The following SLC12A5 variants were observed in gnomAD, a reference collection of about 807,000 sequenced individuals.
The protein encoded by SLC12A5 is K-Cl cotransporter 2.
In SLC12A5, 18 loss-of-function variants were observed where a neutral mutation model predicts 124.0. The observed-to-expected ratio is 0.15, with a 90% CI of 0.10 to 0.22. The LOEUF is 0.22. Ranked by LOEUF, SLC12A5 falls within the 10% of genes least tolerant of loss-of-function variation. The pLI is 1.00. For missense variants in SLC12A5, 867 were observed against 1,478.7 expected (o/e 0.59, Z 6.78); for synonymous variants, 589 against 568.0 (o/e 1.04, Z -0.53).
At position 46,053,395 on chromosome 20, in the gene SLC12A5, G is replaced by A. The variant is rs1427611300; in HGVS notation, c.2548-183G>A. Among the ~76,000 whole-genome samples, 1 of 152,206 alleles carries A rather than the reference G, an allele frequency of 6.6e-6. No individual in the cohort carries two copies. Among genetic ancestry groups the A allele is most frequent in the Non-Finnish European group, 1.5e-5 (1 of 68,040 alleles). ...GCCAGTGATGCTTTCTTTAATGGGG[G>A]ACCCTCAGACCTAAGCAGGGAAGGT... On this transcript the variant is annotated intron_variant, in intron 19 of 25. Transcript: ENST00000243964. The surrounding 1 kb of genome is among the most constrained non-coding windows in gnomAD (Gnocchi z 4.7).
upstream of SLC12A5, among the ~76,000 whole-genome samples, chr20:46,026,303 T>G (rs948593127): frequency 6.6e-6 from 1 of 152,126 alleles, no homozygotes; most frequent in Non-Finnish European, 1.5e-5. Context: ...CCCTGCATCT[T>G]GTGCTGCTTT....
At chr20:46,034,444 C>T (rs1028392320) in intron 1 of SLC12A5, among the ~76,000 whole-genome samples, 3 of 152,222 alleles carry the variant, frequency 2.0e-5, no homozygotes, top group African/African-American at 7.2e-5. Context: ...GTGTCTTACC[C>T]TGCTTCCCCC....
rs2145465526 is a variant in SLC12A5 at position 46,022,970 on chromosome 20, AGG to A, written c.90_91del (p.Gly31ArgfsTer99). 3 of 370,822 alleles carry A rather than the reference AGG, an allele frequency of 8.1e-6. No homozygotes were observed. The highest frequency in any genetic ancestry group is 5.1e-5 in the Admixed American group (1 of 19,720). 23.0% of individuals were successfully genotyped at this position (370,822 alleles called of 1,614,324 possible). A position where few individuals can be genotyped will look rare whatever the true frequency, so the allele number is the denominator to read the frequency against. ...GAGGAGGAGGAGGAGGAGGAGGAGG[AGG>A]AGGAAGAGGAGGAGGAGGAAGAGGA... On this transcript the variant is annotated frameshift_variant, in exon 2 of 3. Transcript: ENST00000413737. LOFTEE classifies it high-confidence loss of function.
In SLC12A5 at chr20:46,057,362, T is replaced by C; in HGVS notation, c.3259+59T>C. The stretch of plus-strand genomic sequence containing the variant: ...GGTGGACGTCAGGGAATCTGGGTCC[T>C]GTCCCTGGGATGGAAGAGCTGAGCT... On this transcript the variant is annotated intron_variant, in intron 25 of 25. Transcript: ENST00000243964. The surrounding 1 kb of genome is among the most constrained non-coding windows in gnomAD (Gnocchi z 7.1). 1.2e-6 allele frequency: 2 copies of C among 1,611,394 alleles called. No homozygotes were observed. The highest frequency in any genetic ancestry group is 8.5e-7 in the Non-Finnish European group (1 of 1,177,538).
chr20:46,032,099 G>T (rs1600588425), intron 1 of SLC12A5, among the ~76,000 whole-genome samples: 1 of 152,350 alleles, frequency 6.6e-6, no homozygotes, highest in East Asian at 1.9e-4. Flanking sequence ...CTCATCTCCT[G>T]GCCCGGATCC....
rs1487399141 is a variant in SLC12A5 at position 46,045,030 on chromosome 20, A to G, written c.1459A>G (p.Ile487Val). 6.2e-7 allele frequency: 1 copy of G among 1,614,050 alleles called. No homozygotes were observed. Among genetic ancestry groups the G allele is most frequent in the Admixed American group, 1.7e-5 (1 of 60,018 alleles). The change falls in exon 12 of 26, where the codon ATT (isoleucine) becomes GTT (valine). Residue 487 changes from isoleucine to valine, a missense_variant. Physicochemically the swap from Ile to Val is conservative, Grantham distance 29. This residue lies in a region of SLC12A5 where 152 missense variants were observed against 358.7 expected (regional missense o/e 0.42). Coordinates refer to ENST00000243964, the MANE Select transcript of SLC12A5 (RefSeq NM_020708.5). This position sits in a 1 kb window ranked among gnomAD's most constrained non-coding sequence, Gnocchi z 4.9. ...TCTGGCCTGGCCATCTCCATGGGTAATTGTCATCGGATCCTTCTTCTCCAC... is the reference window on the plus strand; with the variant it reads ...TCTGGCCTGGCCATCTCCATGGGTAGTTGTCATCGGATCCTTCTTCTCCAC... ...GTLAWPSPWV[I>V]VIGSFFSTCG...
chr20:46,056,818 C>T lies in SLC12A5; in HGVS notation c.3111-79C>T. The T allele has an allele frequency of 6.7e-7, 1 of 1,487,090 alleles. No individual in the cohort carries two copies. The highest frequency in any genetic ancestry group is 1.1e-5 in the South Asian group (1 of 88,544). The allele number at this position is 1,487,090 out of a possible 1,614,324, so 92.1% of individuals were successfully genotyped here. On this transcript the variant is annotated intron_variant, in intron 23 of 25. Transcript: ENST00000243964. The surrounding 1 kb of genome is among the most constrained non-coding windows in gnomAD (Gnocchi z 4.3). ...CAGGACTCAGGGCAGATGACCATGG[C>T]CCAAGCCCCCAGTGTCTTCCTCTTT... is the stretch of plus-strand genomic sequence containing the variant.
intron 1 of SLC12A5, 67 bp from the exon 2 acceptor site, chr20:46,034,881 A>G: frequency 4.9e-6 from 7 of 1,435,224 alleles, no homozygotes; most frequent in Non-Finnish European, 6.9e-6. Context: ...TGGCTACACC[A>G]CTGTATGCCC....
chr20:46,041,530 C>T lies in SLC12A5; in HGVS notation c.1056C>T (p.Gly352=), dbSNP rs768786111. The T allele has an allele frequency of 4.3e-6, 7 of 1,613,840 alleles. No individual in the cohort carries two copies. Among genetic ancestry groups the T allele is most frequent in the South Asian group, 1.1e-5 (1 of 91,066 alleles). ...AGGGCATCCCTGGTGCTGCCAGTGGCCTCATCAAAGGTCTGCGGAGGGACA... is the reference window on the plus strand; with the variant it reads ...AGGGCATCCCTGGTGCTGCCAGTGGTCTCATCAAAGGTCTGCGGAGGGACA... ...EIQGIPGAAS[G]LIKENLWSSY... Residue 352 remains glycine, a synonymous_variant, in exon 8 of 26, where the codon GGC becomes GGT. Coordinates refer to ENST00000243964, the MANE Select transcript of SLC12A5 (RefSeq NM_020708.5).
At chr20:46,049,815 TG>T (rs1568866076) in intron 17 of SLC12A5, 25 bp downstream of exon 17, 1 of 1,559,936 alleles carries the variant, frequency 6.4e-7, no homozygotes, top group Admixed American at 1.9e-5. Context: ...TGGTTGGGCT[TG>T]GGAAAAGGTC....
upstream of SLC12A5, among the ~76,000 whole-genome samples, chr20:46,027,462 A>T (rs567858353): frequency 1.3e-5 from 2 of 152,336 alleles, no homozygotes; most frequent in South Asian, 2.1e-4. Flanking sequence ...TCCTGAAAAA[A>T]GTCCTGTCCT....
intron 8 of SLC12A5, among the ~76,000 whole-genome samples, chr20:46,041,812 C>T (rs542485683): frequency 2.2e-4 from 33 of 152,228 alleles, no homozygotes; most frequent in Non-Finnish European, 3.4e-4. Flanking sequence ...GTGCTAGGAA[C>T]ACAAAATAAA....
intron 18 of SLC12A5, 84 bp downstream of exon 18, chr20:46,051,954 C>A: frequency 8.3e-7 from 1 of 1,205,894 alleles, no homozygotes; most frequent in Non-Finnish European, 1.1e-6. Context: ...CTCCTTTGGG[C>A]CTGAGGGGTT....
chr20:46,034,157 G>A lies in SLC12A5; in HGVS notation c.53-791G>A, dbSNP rs79240585. On this transcript the variant is annotated intron_variant, in intron 1 of 25. Transcript: ENST00000243964. Reference sequence around the variant, plus strand: ...CCCACTCTATTCACTGTCACCTCTGGGCCATTGAACATGCTGTTCTGCTAT... The same window carrying A: ...CCCACTCTATTCACTGTCACCTCTGAGCCATTGAACATGCTGTTCTGCTAT... Among the ~76,000 whole-genome samples the A allele has an allele frequency of 5.0e-3, 756 of 152,112 alleles. 9 individuals are homozygous for A. Among genetic ancestry groups the A allele is most frequent in the African/African-American group, 0.017 (720 of 41,472 alleles).
At chr20:46,021,763 G>T (rs1415058924), upstream of SLC12A5, 3 of 1,533,628 alleles carry the variant, frequency 2.0e-6, no homozygotes, top group Non-Finnish European at 1.7e-6. Context: ...TCCTTTCCGC[G>T]CCATGAGCCG....
chr20:46,053,732 T>C lies in SLC12A5; in HGVS notation c.2679+23T>C. 1 of 1,549,548 alleles carries C rather than the reference T, an allele frequency of 6.5e-7. No individual in the cohort carries two copies. The highest frequency in any genetic ancestry group is 1.4e-5 in the African/African-American group (1 of 73,248). ...ATGGTGAGTCCCCAGGAGACACCGC[T>C]GGGGTTCCACCTGGCCCTCTTTCCT... On this transcript the variant is annotated intron_variant, in intron 20 of 25. Transcript: ENST00000243964. This position sits in a 1 kb window ranked among gnomAD's most constrained non-coding sequence, Gnocchi z 4.7.
In SLC12A5 at chr20:46,035,443, A is replaced by G. The variant is rs1253185557; in HGVS notation, c.187A>G (p.Ser63Gly). 6.2e-7 allele frequency: 1 copy of G among 1,614,016 alleles called. No individual in the cohort carries two copies. Among genetic ancestry groups the G allele is most frequent in the Admixed American group, 1.7e-5 (1 of 60,022 alleles). ...CAGCCCTATGGTGTCCTCCTTGCTC[A>G]GTGGCCTGGCCAACTACACCAACCT... ...DTSPMVSSLL[S>G]GLANYTNLPQ... is the part of the protein sequence containing the mutation. Residue 63 changes from serine to glycine, a missense_variant, in exon 3 of 26, where the codon AGT (serine) becomes GGT (glycine). Ser to Gly is a moderately conservative substitution (Grantham distance 56, BLOSUM62 0). This residue lies in a region of SLC12A5 where 126 missense variants were observed against 291.6 expected (regional missense o/e 0.43). Transcript: ENST00000243964.
At chr20:46,030,218 G>A (rs2084436531) in intron 1 of SLC12A5, among the ~76,000 whole-genome samples, 1 of 152,104 alleles carries the variant, frequency 6.6e-6, no homozygotes, top group Non-Finnish European at 1.5e-5. Context: ...GTCCAGGGCG[G>A]GGCGGGGGGG....
chr20:46,023,972 A>G (rs529802528), downstream of SLC12A5, among the ~76,000 whole-genome samples: 9 of 152,204 alleles, frequency 5.9e-5, no homozygotes, highest in South Asian at 1.7e-3. Context: ...CCCCTGGCTT[A>G]GGAATAAGAC....
Sources: gnomAD v4.1 joint callset for allele counts (sites outside exome capture counted in the v4.1 genomes callset) on GRCh38, gnomAD v4.1.1 for gene constraint, gnomAD v4.1.1 regional missense constraint, Gnocchi (gnomAD v3.1) non-coding constraint, MANE v1.5 for transcripts, NCBI Gene and HGNC (gene_info 2026-07-23, HGNC 2026-07-21) for gene names.